WWP2: variants seen among roughly 807,000 people sequenced by gnomAD.
WWP2 encodes WW domain containing E3 ubiquitin protein ligase 2.
In WWP2, 57 loss-of-function variants were observed where a neutral mutation model predicts 121.0. That is an observed-to-expected ratio of 0.47 (90% CI 0.38 to 0.59). The LOEUF (loss-of-function observed/expected upper bound fraction) is 0.59. WWP2 is among the 20% of genes least tolerant of loss of function. The pLI is 0.00. For synonymous variants in WWP2, 449 were observed against 441.3 expected (o/e 1.02, Z -0.22); for missense variants, 962 against 1,158.9 (o/e 0.83, Z 2.47).
At chr16:69,803,090 A>G (rs2151819530) in intron 4 of WWP2, among the ~76,000 whole-genome samples, 1 of 151,980 alleles carries the variant, frequency 6.6e-6, no homozygotes, top group South Asian at 2.1e-4. Context: ...TTACTTGTAA[A>G]AAAAAAAAGC....
At chr16:69,787,122 G>A in intron 2 of WWP2, 42 bp downstream of exon 2, 1 of 1,562,746 alleles carries the variant, frequency 6.4e-7, no homozygotes, top group Non-Finnish European at 8.7e-7. Context: ...TCTACGCCCA[G>A]GGAAGAGGGA....
Position 69,871,819 on chromosome 16 carries a change from G to A in WWP2, c.591G>A (p.Ser197=), listed in dbSNP as rs545488819. 23 of 1,614,064 alleles carry A rather than the reference G, an allele frequency of 1.4e-5. No homozygotes were observed. The highest frequency in any genetic ancestry group is 6.7e-5 in the Admixed American group (4 of 60,018). Residue 197 remains serine (S), a synonymous_variant, in exon 7 of 24, where the codon TCG becomes TCA. Coordinates refer to ENST00000359154, the MANE Select transcript of WWP2 (RefSeq NM_001270454.2). The stretch of plus-strand genomic sequence containing the variant: ...GAACCCCCAGGACGCACAGACATTC[G>A]GGTGCTTCAGCCAGAACAACCCCAG... ...FGGRSRTHRH[S]GASARTTPAT...
intron 1 of WWP2, among the ~76,000 whole-genome samples, chr16:69,764,968 T>G (rs912687196): frequency 6.6e-6 from 1 of 151,802 alleles, no homozygotes; most frequent in Non-Finnish European, 1.5e-5. Flanking sequence ...CTTTGGGAGG[T>G]CAAGGTGGAT....
At chr16:69,880,670 G>A (rs1339621452) in intron 7 of WWP2, among the ~76,000 whole-genome samples, 4 of 152,104 alleles carry the variant, frequency 2.6e-5, no homozygotes, top group Non-Finnish European at 5.9e-5. Flanking sequence ...TGCTAATTAC[G>A]AAATCTTTGT....
chr16:69,795,487 T>C (rs1260749223), intron 2 of WWP2, among the ~76,000 whole-genome samples: 1 of 152,082 alleles, frequency 6.6e-6, no homozygotes, highest in African/African-American at 2.4e-5. Context: ...GCAGCACAGA[T>C]GTGGAACATT....
At chr16:69,793,512 A>G (rs1456659615) in intron 2 of WWP2, among the ~76,000 whole-genome samples, 1 of 152,108 alleles carries the variant, frequency 6.6e-6, no homozygotes, top group African/African-American at 2.4e-5. Flanking sequence ...ACAATTTGAC[A>G]GGTAGGGGAC....
chr16:69,935,706 C>A lies in WWP2; in HGVS notation c.1843-147C>A. ...GCGTTGTTTACTCCTGAGGCCCTCC[C>A]GCTGCGTCCGAGGCAGCTGCTGCTG... is the stretch of plus-strand genomic sequence containing the variant. On this transcript the variant is annotated intron_variant, in intron 17 of 23. Coordinates refer to ENST00000359154, the MANE Select transcript of WWP2 (RefSeq NM_001270454.2). This position sits in a 1 kb window ranked among gnomAD's most constrained non-coding sequence, Gnocchi z 5.2. The A allele has an allele frequency of 6.7e-6, 8 of 1,198,594 alleles. No individual in the cohort carries two copies. The highest frequency in any genetic ancestry group is 9.3e-6 in the Non-Finnish European group (8 of 857,464). The allele number at this position is 1,198,594 out of a possible 1,614,324, so 74.2% of individuals were successfully genotyped here.
At chr16:69,883,837 C>T (rs6499270) in intron 7 of WWP2, among the ~76,000 whole-genome samples, 97,177 of 152,012 alleles carry the variant, frequency 0.64, 31,863 homozygotes, top group East Asian at 0.94. Context: ...AGGGAACCTT[C>T]CTAACTAGAT....
intron 5 of WWP2, among the ~76,000 whole-genome samples, chr16:69,841,174 G>C (rs188951418): frequency 5.9e-5 from 9 of 152,204 alleles, no homozygotes; most frequent in Non-Finnish European, 2.9e-5. Context: ...ACTGCTTCAG[G>C]TTTACAGTCT....
chr16:69,798,796 G>T lies in WWP2; in HGVS notation c.185G>T (p.Ser62Ile), dbSNP rs1366961267. Residue 62 changes from serine to isoleucine, a missense_variant, in exon 3 of 24, where the codon AGC (serine) becomes ATC (isoleucine). Ser to Ile is a moderately radical substitution (Grantham distance 142). Transcript: ENST00000359154. ...ETKKTGKRIG[S>I]SELLWNEIII... is the part of the protein sequence containing the mutation. ...AAGAAGACTGGGAAGCGCATTGGGA[G>T]CTCTGAGCTTCTCTGGAATGAGATC... 1.2e-6 allele frequency: 2 copies of T among 1,614,112 alleles called. No homozygotes were observed. The highest frequency in any genetic ancestry group is 2.2e-5 in the East Asian group (1 of 44,882).
At chr16:69,810,558 G>A (rs2056371502) in intron 4 of WWP2, among the ~76,000 whole-genome samples, 1 of 151,188 alleles carries the variant, frequency 6.6e-6, no homozygotes, top group Non-Finnish European at 1.5e-5. Context: ...CTCCCGAGTA[G>A]CTGGGACTAT....
intron 4 of WWP2, among the ~76,000 whole-genome samples, chr16:69,810,514 G>A (rs1266233129): frequency 2.0e-5 from 3 of 149,320 alleles, no homozygotes; most frequent in Non-Finnish European, 4.4e-5. Flanking sequence ...TGCAAGCTCC[G>A]CCTCCTGGGT....
intron 6 of WWP2, among the ~76,000 whole-genome samples, chr16:69,861,989 G>A (rs1431700076): frequency 1.3e-5 from 2 of 152,162 alleles, no homozygotes; most frequent in Non-Finnish European, 2.9e-5. Context: ...GGATTGGAAT[G>A]TGAGAGGAGT....
At chr16:69,933,926 G>C (rs146906485) in intron 16 of WWP2, 44 bp from the exon 17 acceptor site, 1 of 1,599,102 alleles carries the variant, frequency 6.3e-7, no homozygotes, top group Admixed American at 1.7e-5. Context: ...AGATGTGCAC[G>C]AAGGGACCCA....
intron 1 of WWP2, among the ~76,000 whole-genome samples, chr16:69,772,400 G>A (rs1339565860): frequency 6.6e-6 from 1 of 152,080 alleles, no homozygotes; most frequent in Non-Finnish European, 1.5e-5. Flanking sequence ...TGCAGGGCAC[G>A]TGAGCCCCAA....
At chr16:69,829,507 C>T in intron 4 of WWP2, among the ~76,000 whole-genome samples, 1 of 152,198 alleles carries the variant, frequency 6.6e-6, no homozygotes, top group Non-Finnish European at 1.5e-5. Flanking sequence ...TGAATGCACC[C>T]AGCTCATTGT....
Position 69,799,414 on chromosome 16 carries a change from T to G in WWP2, c.340+119T>G. The G allele has an allele frequency of 7.2e-7, 1 of 1,386,240 alleles. No individual in the cohort carries two copies. The highest frequency in any genetic ancestry group is 9.6e-7 in the Non-Finnish European group (1 of 1,042,666). The allele number at this position is 1,386,240 out of a possible 1,614,324, so 85.9% of individuals were successfully genotyped here. On this transcript the variant is annotated intron_variant, in intron 4 of 23. Transcript: ENST00000359154. The surrounding 1 kb of genome is among the most constrained non-coding windows in gnomAD (Gnocchi z 4.5). ...GGGGCTGCAGTACCTCTGTTCTCCT[T>G]GGATGCTGTCTTTGGAGTTTTGGGA...
Position 69,916,526 on chromosome 16 carries a change from A to G in WWP2, c.1005-1183A>G, listed in dbSNP as rs192223057. 2.0e-3 allele frequency among the ~76,000 whole-genome samples: 300 copies of G among 152,234 alleles called. 1 individual carries two copies. The highest frequency in any genetic ancestry group is 2.7e-3 in the Non-Finnish European group (187 of 68,006). ...GTGGGGAGGTTAATTCTGGGGTAGG[A>G]GCAGTAGTCCAGGGGTGAGGTGATA... On this transcript the variant is annotated intron_variant, in intron 9 of 23. Transcript: ENST00000359154.
At chr16:69,883,280 G>A (rs1360175520) in intron 7 of WWP2, among the ~76,000 whole-genome samples, 1 of 152,074 alleles carries the variant, frequency 6.6e-6, no homozygotes, top group Non-Finnish European at 1.5e-5. Context: ...GTCCCTGGTT[G>A]ACCAGGGTGA....
Sources: allele counts gnomAD v4.1 joint callset (sites outside exome capture counted in the v4.1 genomes callset), GRCh38; gene constraint gnomAD v4.1.1; non-coding constraint Gnocchi (gnomAD v3.1); transcripts MANE v1.5; gene names NCBI Gene and HGNC (gene_info 2026-07-23, HGNC 2026-07-21).